The following ATG7 variants were observed in gnomAD, a reference collection of about 807,000 sequenced individuals.
ATG7 encodes the protein autophagy related 7.
A neutral mutation model predicts 82.4 loss-of-function variants in ATG7; 70 were observed. That is an observed-to-expected ratio of 0.85 (90% CI 0.70 to 1.04). ATG7 has a LOEUF of 1.04. Among genes scored for constraint, ATG7 ranks in the 50% least tolerant of loss-of-function variants. ATG7 has a pLI of 0.00. For missense variants in ATG7, 792 were observed against 864.3 expected (o/e 0.92, Z 1.05); for synonymous variants, 287 against 313.0 (o/e 0.92, Z 0.88).
intron 6 of ATG7, among the ~76,000 whole-genome samples, chr3:11,308,240 T>C (rs1392196775): frequency 6.6e-6 from 1 of 152,264 alleles, no homozygotes; most frequent in Non-Finnish European, 1.5e-5. Flanking sequence ...TGTTTTGTCT[T>C]GCTTAGTAAC....
Position 11,351,914 on chromosome 3 carries a change from C to T in ATG7, c.1284+3879C>T, listed in dbSNP as rs572463045. Among the ~76,000 whole-genome samples the T allele has an allele frequency of 2.4e-4, 37 of 151,070 alleles. No homozygotes were observed. In the South Asian group the frequency reaches 6.9e-3, roughly 28 times the overall value. On this transcript the variant is annotated intron_variant, in intron 14 of 20. Transcript: ENST00000693202. ...ATGTGCACAACATGCAGGTTTGTTA[C>T]ATATGTATACATGTGCCATGTTGGT...
intron 20 of ATG7, among the ~76,000 whole-genome samples, chr3:11,458,334 G>A (rs1373807460): frequency 6.6e-6 from 1 of 151,984 alleles, no homozygotes; most frequent in Non-Finnish European, 1.5e-5. Flanking sequence ...CACCATCTCC[G>A]CTCACTGCAA....
intron 19 of ATG7, among the ~76,000 whole-genome samples, chr3:11,417,805 A>ATTTTTTTTTTTTTTT (rs200364263): frequency 3.4e-4 from 18 of 52,752 alleles, no homozygotes; most frequent in East Asian, 9.8e-4. Flanking sequence ...TTATTATTTT[A>ATTTTTTTTTTTTTTT]TTTTATTTTA....
intron 20 of ATG7, among the ~76,000 whole-genome samples, chr3:11,433,734 C>T (rs2083121572): frequency 6.6e-6 from 1 of 152,128 alleles, no homozygotes; most frequent in South Asian, 2.1e-4. Flanking sequence ...TGATGTTGTA[C>T]CATGCAGTTA....
chr3:11,375,387 A>G (rs958622464), intron 18 of ATG7, among the ~76,000 whole-genome samples: 4 of 152,274 alleles, frequency 2.6e-5, no homozygotes, highest in African/African-American at 7.2e-5. Flanking sequence ...CAAGTGGTCA[A>G]GAAGCACATG....
chr3:11,389,436 G>GC (rs1553639654), intron 19 of ATG7, among the ~76,000 whole-genome samples: 3 of 87,590 alleles, frequency 3.4e-5, no homozygotes, highest in Middle Eastern at 6.9e-3. Flanking sequence ...TTTTGTTAGT[G>GC]CTTTTTTTTT....
chr3:11,302,354 A>G (rs1946916156), intron 5 of ATG7, among the ~76,000 whole-genome samples: 1 of 152,156 alleles, frequency 6.6e-6, no homozygotes. Context: ...AGTGCTTGGG[A>G]CTTCTCAGAA....
At chr3:11,388,726 C>T (rs755679202) in intron 19 of ATG7, among the ~76,000 whole-genome samples, 1 of 151,964 alleles carries the variant, frequency 6.6e-6, no homozygotes, top group African/African-American at 2.4e-5. Flanking sequence ...CTGCGCCAGG[C>T]CCCTTCTTTC....
At chr3:11,463,968 G>A (rs1326120308) in intron 20 of ATG7, among the ~76,000 whole-genome samples, 2 of 152,212 alleles carry the variant, frequency 1.3e-5, no homozygotes, top group African/African-American at 2.4e-5. Flanking sequence ...ACAGGATGGT[G>A]GCAAAACCAA....
chr3:11,354,501 T>C lies in ATG7; in HGVS notation c.1285-3917T>C, dbSNP rs2344132. On this transcript the variant is annotated intron_variant, in intron 14 of 20. Coordinates refer to ENST00000693202, the MANE Select transcript of ATG7 (RefSeq NM_001349232.2). ...CCGTCTCTACTAAAAATACAAAAAT[T>C]AGCTGGGCGTGGTGGCGCACACCTG... Among the ~76,000 whole-genome samples, 1,203 of 151,654 alleles carry C rather than the reference T, an allele frequency of 7.9e-3. 5 individuals carry two copies. Among genetic ancestry groups the C allele is most frequent in the Middle Eastern group, 0.02 (6 of 294 alleles).
chr3:11,381,836 A>G (rs1575890766), intron 19 of ATG7, among the ~76,000 whole-genome samples: 1 of 152,238 alleles, frequency 6.6e-6, no homozygotes, highest in Non-Finnish European at 1.5e-5. Flanking sequence ...ATTTCCTTAC[A>G]GTAGAAACGC....
the ATG7 span, among the ~76,000 whole-genome samples, chr3:11,572,859 T>C: frequency 3.9e-5 from 6 of 152,000 alleles, no homozygotes; most frequent in Non-Finnish European, 7.4e-5. Context: ...CACTCTTTGG[T>C]TTTTCCTTCT....
intron 19 of ATG7, among the ~76,000 whole-genome samples, chr3:11,409,384 A>C (rs1408171333): frequency 6.6e-6 from 1 of 152,204 alleles, no homozygotes; most frequent in East Asian, 1.9e-4. Flanking sequence ...GTAAACAACT[A>C]TTGACTAGTA....
intron 20 of ATG7, among the ~76,000 whole-genome samples, chr3:11,468,339 G>A (rs951983048): frequency 4.6e-5 from 7 of 152,102 alleles, no homozygotes; most frequent in African/African-American, 1.2e-4. Context: ...AGGCCAGCCC[G>A]CCACTTCCCT....
the ATG7 span, among the ~76,000 whole-genome samples, chr3:11,569,458 C>T: frequency 2.6e-5 from 4 of 152,220 alleles, no homozygotes; most frequent in Admixed American, 2.0e-4. Context: ...CATCCTGAGG[C>T]GGCAAAGCAG....
chr3:11,426,786 A>G lies in ATG7; in HGVS notation c.1957-18A>G. On this transcript the variant is annotated intron_variant, in intron 19 of 20. Coordinates refer to ENST00000693202, the MANE Select transcript of ATG7 (RefSeq NM_001349232.2). ...TAAGTCTGGAGACTCCTTTTTAAAAAATGTAAATGTTTTACAGGTTCTTGA... is the reference window on the plus strand; with the variant it reads ...TAAGTCTGGAGACTCCTTTTTAAAAGATGTAAATGTTTTACAGGTTCTTGA... 6.5e-7 allele frequency: 1 copy of G among 1,547,858 alleles called. No individual in the cohort carries two copies. The highest frequency in any genetic ancestry group is 8.7e-7 in the Non-Finnish European group (1 of 1,150,570).
chr3:11,461,012 T>C (rs1160311692), intron 20 of ATG7, among the ~76,000 whole-genome samples: 4 of 152,052 alleles, frequency 2.6e-5, no homozygotes, highest in Admixed American at 2.6e-4. Context: ...CTTTTTGGAG[T>C]CTTGATATAA....
At chr3:11,276,315 C>G (rs545014913) in intron 1 of ATG7, among the ~76,000 whole-genome samples, 1 of 152,194 alleles carries the variant, frequency 6.6e-6, no homozygotes, top group Non-Finnish European at 1.5e-5. Flanking sequence ...ACTAAGTCCT[C>G]TATTTGTGCT....
At chr3:11,533,092 C>G (rs888254913) in intron 20 of ATG7, among the ~76,000 whole-genome samples, 1 of 152,190 alleles carries the variant, frequency 6.6e-6, no homozygotes, top group Non-Finnish European at 1.5e-5. Flanking sequence ...TGCGCTGGTG[C>G]GCAGAGCAGA....
Sources: allele counts gnomAD v4.1 joint callset (sites outside exome capture counted in the v4.1 genomes callset), GRCh38; gene constraint gnomAD v4.1.1; transcripts MANE v1.5; gene names NCBI Gene and HGNC (gene_info 2026-07-23, HGNC 2026-07-21).